NEK10: variants seen among roughly 807,000 people sequenced by gnomAD.
NEK10 encodes serine/threonine-protein kinase Nek10.
Under a neutral mutation model 159.8 loss-of-function variants are expected in NEK10, and 122 were observed. The observed-to-expected ratio is 0.76, with a 90% CI of 0.66 to 0.89. The LOEUF is 0.89. NEK10 is among the 40% of genes least tolerant of loss of function. The pLI, the probability that NEK10 is intolerant of heterozygous loss-of-function variation, is 0.00. For synonymous variants in NEK10, 466 were observed against 457.1 expected (o/e 1.02, Z -0.25); for missense variants, 1,342 against 1,323.1 (o/e 1.01, Z -0.22).
chr3:27,281,000 G>GA (rs911021204), intron 22 of NEK10, among the ~76,000 whole-genome samples: 34 of 148,028 alleles, frequency 2.3e-4, no homozygotes, highest in Non-Finnish European at 4.5e-4. Flanking sequence ...GGATGCTAAA[G>GA]AAAAAAAAGT....
chr3:27,306,362 C>A (rs1260984545), intron 11 of NEK10, among the ~76,000 whole-genome samples: 2 of 152,270 alleles, frequency 1.3e-5, no homozygotes, highest in East Asian at 3.9e-4. Flanking sequence ...TTCCTTTCCC[C>A]TGAGCTGATT....
chr3:27,120,889 T>C (rs547352686), intron 32 of NEK10, among the ~76,000 whole-genome samples: 2 of 152,300 alleles, frequency 1.3e-5, no homozygotes, highest in Admixed American at 1.3e-4. Flanking sequence ...ACTTTTAAAA[T>C]ATAAATTCAT....
intron 24 of NEK10, among the ~76,000 whole-genome samples, chr3:27,201,794 T>A (rs533717531): frequency 1.8e-4 from 27 of 152,278 alleles, no homozygotes; most frequent in Non-Finnish European, 3.7e-4. Flanking sequence ...AAATTAACCT[T>A]AGATTCATAA....
intron 23 of NEK10, among the ~76,000 whole-genome samples, chr3:27,217,358 T>C (rs1369301815): frequency 3.9e-5 from 6 of 152,182 alleles, no homozygotes; most frequent in African/African-American, 1.2e-4. Context: ...GAGGCATGAC[T>C]GTGGAGGCCT....
chr3:27,234,493 C>G (rs562353665), intron 23 of NEK10, among the ~76,000 whole-genome samples: 6 of 151,794 alleles, frequency 4.0e-5, no homozygotes, highest in Non-Finnish European at 8.8e-5. Flanking sequence ...ATCCAAATCA[C>G]AAATGAACTC....
chr3:27,119,371 G>T (rs887739059), intron 33 of NEK10, among the ~76,000 whole-genome samples: 2 of 152,146 alleles, frequency 1.3e-5, no homozygotes, highest in Admixed American at 6.5e-5. Context: ...AGTGTCTAAT[G>T]TGGATTCTTT....
intron 32 of NEK10, among the ~76,000 whole-genome samples, chr3:27,129,471 T>G (rs1942363968): frequency 1.3e-5 from 2 of 152,106 alleles, no homozygotes; most frequent in Admixed American, 6.5e-5. Flanking sequence ...ACACAGGGAA[T>G]GAAAAATCCA....
At chr3:27,362,263 G>A (rs1303405097) in intron 1 of NEK10, among the ~76,000 whole-genome samples, 4 of 152,164 alleles carry the variant, frequency 2.6e-5, no homozygotes, top group Non-Finnish European at 5.9e-5. Context: ...TTGAGCTGGA[G>A]CTAAAGGATC....
At chr3:27,367,797 T>A (rs2049206381) in intron 1 of NEK10, among the ~76,000 whole-genome samples, 1 of 151,828 alleles carries the variant, frequency 6.6e-6, no homozygotes, top group African/African-American at 2.4e-5. Context: ...AGCAGGAGTG[T>A]GGGGGTGCAA....
intron 6 of NEK10, among the ~76,000 whole-genome samples, chr3:27,315,952 G>C (rs2149620189): frequency 6.6e-6 from 1 of 152,302 alleles, no homozygotes; most frequent in East Asian, 1.9e-4. Flanking sequence ...TTCCAGCAAA[G>C]AGAATAGGAG....
chr3:27,289,898 T>C (rs1183762895), intron 19 of NEK10, among the ~76,000 whole-genome samples: 2 of 152,230 alleles, frequency 1.3e-5, no homozygotes, highest in African/African-American at 4.8e-5. Flanking sequence ...GTTTATGGAA[T>C]TTGTTACATC....
At chr3:27,364,791 C>G (rs1268947485) in intron 1 of NEK10, among the ~76,000 whole-genome samples, 1 of 152,144 alleles carries the variant, frequency 6.6e-6, no homozygotes, top group Non-Finnish European at 1.5e-5. Context: ...GGAACTTGGC[C>G]AAGATCTCAT....
At chr3:27,298,600 G>A (rs1019316775) in intron 13 of NEK10, among the ~76,000 whole-genome samples, 16 of 152,318 alleles carry the variant, frequency 1.1e-4, no homozygotes, top group Non-Finnish European at 1.9e-4. Flanking sequence ...AACAAGCAGA[G>A]CTTGGAACAA....
At chr3:27,210,251 A>G (rs6551181) in intron 23 of NEK10, among the ~76,000 whole-genome samples, 62,937 of 151,980 alleles carry the variant, frequency 0.41, 14,175 homozygotes, top group African/African-American at 0.6. Context: ...TTGCTGGTGC[A>G]GACTTTCTGC....
chr3:27,323,310 A>G (rs2045780229), intron 5 of NEK10, among the ~76,000 whole-genome samples: 1 of 152,228 alleles, frequency 6.6e-6, no homozygotes, highest in Non-Finnish European at 1.5e-5. Context: ...CCATTCGCTA[A>G]GAGCTGCAGG....
chr3:27,273,543 T>C (rs897027545), intron 22 of NEK10, among the ~76,000 whole-genome samples: 1 of 152,226 alleles, frequency 6.6e-6, no homozygotes, highest in African/African-American at 2.4e-5. Flanking sequence ...ACATAGTAAA[T>C]GCTCAAGGGA....
intron 32 of NEK10, among the ~76,000 whole-genome samples, chr3:27,120,241 C>T (rs115878154): frequency 1.2e-3 from 181 of 152,088 alleles, no homozygotes; most frequent in African/African-American, 4.2e-3. Context: ...ATATGCTTAG[C>T]CCAAATCACT....
chr3:27,200,126 A>C (rs571767628), intron 25 of NEK10, among the ~76,000 whole-genome samples: 1 of 152,324 alleles, frequency 6.6e-6, no homozygotes, highest in African/African-American at 2.4e-5. Flanking sequence ...TAAAAAAATC[A>C]ATTAAAAAAA....
chr3:27,231,509 T>G (rs1198257368), intron 23 of NEK10, among the ~76,000 whole-genome samples: 1 of 151,274 alleles, frequency 6.6e-6, no homozygotes, highest in East Asian at 1.9e-4. Context: ...AGAGTATAAC[T>G]AAATGAAAGT....
Sources: gnomAD v4.1 joint callset for allele counts (sites outside exome capture counted in the v4.1 genomes callset) on GRCh38, gnomAD v4.1.1 for gene constraint, MANE v1.5 for transcripts, NCBI Gene and HGNC (gene_info 2026-07-23, HGNC 2026-07-21) for gene names.